The following NR2E1 variants were observed in gnomAD, a reference collection of about 807,000 sequenced individuals.
The protein encoded by NR2E1 is nuclear receptor TLX.
In NR2E1, 5 loss-of-function variants were observed where a neutral mutation model predicts 43.6. That is an observed-to-expected ratio of 0.11 (90% CI 0.06 to 0.24). The LOEUF (loss-of-function observed/expected upper bound fraction) is 0.24. Ranked by LOEUF, NR2E1 falls within the 10% of genes least tolerant of loss-of-function variation. The probability of loss-of-function intolerance (pLI) is 1.00; values close to 1 mark genes in which losing one functional copy is unlikely to be tolerated. For missense variants in NR2E1, 287 were observed against 496.7 expected, an observed-to-expected ratio of 0.58 and a Z score of 4.01; for synonymous variants, 191 against 195.5, an observed-to-expected ratio of 0.98 and a Z score of 0.19.
chr6:108,181,550 T>A lies in NR2E1; in HGVS notation c.894T>A (p.Pro298=). 7.4e-6 allele frequency: 12 copies of A among 1,613,008 alleles called. No individual in the cohort carries two copies. The highest frequency in any genetic ancestry group is 1.0e-5 in the Non-Finnish European group (12 of 1,178,986). ...TTTCCTGGTCTTCATTTCTAGTTCC[T>A]ACACATAGTGGTTCTGAACTGAGAA... The part of the protein sequence containing the change: ...LKCIVTFKAV[P]THSGSELRSF... The change falls in exon 8 of 9, where the codon CCT becomes CCA. Residue 298 remains proline, a synonymous_variant. Transcript: ENST00000368986.
chr6:108,179,356 T>C (rs921525061), intron 5 of NR2E1: 1 of 152,228 alleles, frequency 6.6e-6, no homozygotes, highest in Non-Finnish European at 1.5e-5. Context: ...CAAGCCTTCA[T>C]GATTCAGCTC....
At chr6:108,181,225 C>T (rs1436150935) in intron 7 of NR2E1, among the ~76,000 whole-genome samples, 2 of 151,774 alleles carry the variant, frequency 1.3e-5, no homozygotes, top group East Asian at 3.9e-4. Context: ...TGGTGTCTTG[C>T]TCTTGTCACC....
intron 5 of NR2E1, chr6:108,178,892 T>C (rs185926634): frequency 5.0e-5 from 8 of 160,298 alleles, no homozygotes; most frequent in African/African-American, 1.2e-4. Flanking sequence ...CAGTGAAACA[T>C]TGTATTGTAC....
At position 108,180,230 on chromosome 6, in the gene NR2E1, C is replaced by CA; in HGVS notation, c.643-92dup. The stretch of plus-strand genomic sequence containing the variant: ...AAATTACCAAGACAGGCATTTAAAA[C>CA]ACTTTTTAAAATAATGGAAATTTAC... On this transcript the variant is annotated intron_variant, in intron 5 of 8. Coordinates refer to ENST00000368986, the MANE Select transcript of NR2E1 (RefSeq NM_003269.5). The surrounding 1 kb of genome is among the most constrained non-coding windows in gnomAD (Gnocchi z 5.4). The CA allele has an allele frequency of 1.2e-6, 1 of 857,550 alleles. No homozygotes were observed. The highest frequency in any genetic ancestry group is 2.0e-5 in the Admixed American group (1 of 48,934). The allele number at this position is 857,550 out of a possible 1,614,324, so 53.1% of individuals were successfully genotyped here. A position where few individuals can be genotyped will look rare whatever the true frequency, so the allele number is the denominator to read the frequency against.
At chr6:108,186,622 A>T (rs1022797298) in intron 8 of NR2E1, among the ~76,000 whole-genome samples, 15 of 152,264 alleles carry the variant, frequency 9.9e-5, no homozygotes, top group African/African-American at 3.6e-4. Context: ...GCTTGCAGGC[A>T]TCTAAAGGCA....
chr6:108,187,492 G>A lies in NR2E1; in HGVS notation c.*29G>A. On this transcript the variant is annotated 3_prime_UTR_variant, in exon 9 of 9. Coordinates refer to ENST00000368986, the MANE Select transcript of NR2E1 (RefSeq NM_003269.5). ...CACAAGATACCCACTTTTCAGGATG[G>A]GACAGTATCAGATGAACTTCAACCC... is the stretch of plus-strand genomic sequence containing the variant. 6.2e-7 allele frequency: 1 copy of A among 1,611,866 alleles called. No individual in the cohort carries two copies. Among genetic ancestry groups the A allele is most frequent in the Non-Finnish European group, 8.5e-7 (1 of 1,178,278 alleles).
Position 108,166,901 on chromosome 6 carries a change from G to A in NR2E1, c.25+111G>A, listed in dbSNP as rs187273680. On this transcript the variant is annotated intron_variant, in intron 1 of 8. Transcript: ENST00000368986. This position sits in a 1 kb window ranked among gnomAD's most constrained non-coding sequence, Gnocchi z 7.2. ...CGCTGCGAATCTGAGCCCCTGAGAG[G>A]GATTCCAGCGGGCGTGTGCGTTCGG... is the stretch of plus-strand genomic sequence containing the variant. 1.0e-4 allele frequency: 116 copies of A among 1,143,522 alleles called. No individual in the cohort carries two copies. In the East Asian group the frequency reaches 2.1e-3, roughly 20 times the overall value. 70.8% of individuals were successfully genotyped at this position (1,143,522 alleles called of 1,614,324 possible). A position where few individuals can be genotyped will look rare whatever the true frequency, so the allele number is the denominator to read the frequency against.
At chr6:108,172,212 G>A (rs541500618) in intron 2 of NR2E1, among the ~76,000 whole-genome samples, 1 of 152,300 alleles carries the variant, frequency 6.6e-6, no homozygotes, top group East Asian at 1.9e-4. Flanking sequence ...GTGGGCAGTG[G>A]GAATCCAGCA....
Position 108,166,814 on chromosome 6 carries a change from G to T in NR2E1, c.25+24G>T. On this transcript the variant is annotated intron_variant, in intron 1 of 8. Coordinates refer to ENST00000368986, the MANE Select transcript of NR2E1 (RefSeq NM_003269.5). The surrounding 1 kb of genome is among the most constrained non-coding windows in gnomAD (Gnocchi z 7.2). Reference sequence around the variant, plus strand: ...AAGTGGGTACCTCTCGGGCCGCCGTGGGGCCTAGGCGCGCAGCCTGGGGCG... The same window carrying T: ...AAGTGGGTACCTCTCGGGCCGCCGTTGGGCCTAGGCGCGCAGCCTGGGGCG... 1 of 1,588,300 alleles carries T rather than the reference G, an allele frequency of 6.3e-7. No homozygotes were observed. Among genetic ancestry groups the T allele is most frequent in the East Asian group, 2.3e-5 (1 of 44,016 alleles).
At chr6:108,172,285 A>G (rs1224682662) in intron 2 of NR2E1, among the ~76,000 whole-genome samples, 1 of 152,198 alleles carries the variant, frequency 6.6e-6, no homozygotes, top group African/African-American at 2.4e-5. Context: ...AGAAGATTCA[A>G]AAGGAAGGTG....
chr6:108,166,731 G>A lies in NR2E1; in HGVS notation c.-35G>A. ...GGCGCTGCCGGCCGGGACTCGGGCAGCGCCCACCAACCGCTCCGCCCCGGG... is the reference window on the plus strand; with the variant it reads ...GGCGCTGCCGGCCGGGACTCGGGCAACGCCCACCAACCGCTCCGCCCCGGG... On this transcript the variant is annotated 5_prime_UTR_variant, in exon 1 of 9. Coordinates refer to ENST00000368986, the MANE Select transcript of NR2E1 (RefSeq NM_003269.5). The surrounding 1 kb of genome is among the most constrained non-coding windows in gnomAD (Gnocchi z 7.2). 6.5e-7 allele frequency: 1 copy of A among 1,537,652 alleles called. No individual in the cohort carries two copies. The highest frequency in any genetic ancestry group is 1.2e-5 in the South Asian group (1 of 83,372).
rs755756801 is a variant in NR2E1 at position 108,176,483 on chromosome 6, TTC to T, written c.260-16_260-15del. On this transcript the variant is annotated intron_variant, in intron 3 of 8. Transcript: ENST00000368986. ...GACGTCTCTAATCGCCGGCATGCGT[TTC>T]TCTGTTTGCCTCTGCAGCCGTGCAG... The T allele has an allele frequency of 3.1e-6, 5 of 1,610,652 alleles. No homozygotes were observed. The highest frequency in any genetic ancestry group is 3.3e-5 in the Admixed American group (2 of 59,938).
intron 8 of NR2E1, among the ~76,000 whole-genome samples, chr6:108,185,403 C>T (rs1216303073): frequency 4.5e-4 from 42 of 94,270 alleles, no homozygotes; most frequent in African/African-American, 2.0e-3. Flanking sequence ...CACACGCACA[C>T]ACACATACAC....
intron 8 of NR2E1, among the ~76,000 whole-genome samples, chr6:108,186,602 T>G (rs1774079851): frequency 6.6e-6 from 1 of 152,112 alleles, no homozygotes; most frequent in Non-Finnish European, 1.5e-5. Flanking sequence ...AGGGCTGCAG[T>G]GAGGAGGTGG....
rs1050174745 is a variant in NR2E1, at chr6:108,188,628, C to A, written c.*1165C>A. 6.6e-6 allele frequency: 1 copy of A among 151,586 alleles called. No individual in the cohort carries two copies. Among genetic ancestry groups the A allele is most frequent in the African/African-American group, 2.4e-5 (1 of 41,204 alleles). The allele number at this position is 151,586 out of a possible 1,614,324, so 9.4% of individuals were successfully genotyped here. A position where few individuals can be genotyped will look rare whatever the true frequency, so the allele number is the denominator to read the frequency against. Reference sequence around the variant, plus strand: ...TGTAGAAACAAACATTTTTAAATAGCTGCTGTACTTTTCACATTTTGATTT... The same window carrying A: ...TGTAGAAACAAACATTTTTAAATAGATGCTGTACTTTTCACATTTTGATTT... On this transcript the variant is annotated 3_prime_UTR_variant, in exon 9 of 9. Transcript: ENST00000368986.
chr6:108,178,744 C>G, intron 5 of NR2E1: 1 of 219,216 alleles, frequency 4.6e-6, no homozygotes, highest in Non-Finnish European at 9.3e-6. Flanking sequence ...CATGTAAAAC[C>G]AAAGGGCACA....
intron 5 of NR2E1, among the ~76,000 whole-genome samples, chr6:108,179,492 C>CTGTGTG (rs34907033): frequency 0.087 from 11,378 of 131,202 alleles, 575 homozygotes; most frequent in African/African-American, 0.12. Context: ...TAACCACTTC[C>CTGTGTG]TGTGTGTGTG....
At chr6:108,168,420 G>A (rs943777737) in intron 1 of NR2E1, among the ~76,000 whole-genome samples, 1 of 152,242 alleles carries the variant, frequency 6.6e-6, no homozygotes. Context: ...TCAGAGGCGA[G>A]GGAGGGGTGA....
intron 2 of NR2E1, among the ~76,000 whole-genome samples, chr6:108,172,507 AG>A (rs1329202855): frequency 6.6e-6 from 1 of 152,200 alleles, no homozygotes; most frequent in Non-Finnish European, 1.5e-5. Flanking sequence ...ATTTTAACTA[AG>A]GAGATCAACC....
Sources: allele counts gnomAD v4.1 joint callset (sites outside exome capture counted in the v4.1 genomes callset), GRCh38; gene constraint gnomAD v4.1.1; non-coding constraint Gnocchi (gnomAD v3.1); transcripts MANE v1.5; gene names NCBI Gene and HGNC (gene_info 2026-07-23, HGNC 2026-07-21).